The following MALRD1 variants were observed in gnomAD, a reference collection of about 807,000 sequenced individuals.
MALRD1 encodes MAM and LDL receptor class A domain containing 1.
Under a neutral mutation model 242.1 loss-of-function variants are expected in MALRD1, and 247 were observed. That is an observed-to-expected ratio of 1.02 (90% CI 0.92 to 1.13). MALRD1 has a LOEUF of 1.13. MALRD1 is among the 50% of genes most tolerant of loss of function. MALRD1 has a pLI of 0.00. For synonymous variants in MALRD1, 995 were observed against 866.6 expected (o/e 1.15, Z -2.60); for missense variants, 2,989 against 2,533.1 (o/e 1.18, Z -3.86).
At chr10:19,396,671 T>C (rs1846594976) in intron 28 of MALRD1, among the ~76,000 whole-genome samples, 1 of 152,216 alleles carries the variant, frequency 6.6e-6, no homozygotes, top group African/African-American at 2.4e-5. Context: ...ATTCTAATAC[T>C]CAGGAGTCAG....
intron 2 of MALRD1, among the ~76,000 whole-genome samples, chr10:19,070,157 A>G (rs1051792677): frequency 2.6e-5 from 4 of 152,174 alleles, no homozygotes; most frequent in African/African-American, 9.6e-5. Flanking sequence ...TGATTTAAAA[A>G]GAAATCAAGT....
chr10:19,212,196 T>A (rs2782326), intron 18 of MALRD1, among the ~76,000 whole-genome samples: 111,852 of 152,094 alleles, frequency 0.74, 41,385 homozygotes, highest in South Asian at 0.83. Context: ...GGAAATATAC[T>A]TCACCTCCAG....
chr10:19,561,694 C>G (rs111267252), intron 32 of MALRD1, among the ~76,000 whole-genome samples: 8 of 145,786 alleles, frequency 5.5e-5, no homozygotes, highest in African/African-American at 1.8e-4. Flanking sequence ...GAGTTGTGTC[C>G]TTTACAATTG....
At chr10:19,228,047 G>A (rs1837876058) in intron 18 of MALRD1, among the ~76,000 whole-genome samples, 1 of 152,110 alleles carries the variant, frequency 6.6e-6, no homozygotes, top group Non-Finnish European at 1.5e-5. Flanking sequence ...CAGTTTGGAA[G>A]TTTCTTTTAA....
intron 29 of MALRD1, among the ~76,000 whole-genome samples, chr10:19,481,549 G>C (rs1397223187): frequency 6.6e-6 from 1 of 152,152 alleles, no homozygotes; most frequent in Non-Finnish European, 1.5e-5. Flanking sequence ...TCTGTGAAGA[G>C]ACATTTGGGT....
intron 34 of MALRD1, among the ~76,000 whole-genome samples, chr10:19,599,905 G>A (rs555681106): frequency 5.9e-5 from 9 of 152,106 alleles, no homozygotes; most frequent in East Asian, 1.9e-4. Flanking sequence ...AAATCCAATC[G>A]TACACCAGAA....
intron 5 of MALRD1, 29 bp from the exon 6 acceptor site, chr10:19,123,463 C>T (rs1564406260): frequency 8.4e-7 from 1 of 1,195,646 alleles, no homozygotes; most frequent in Non-Finnish European, 1.0e-6. Flanking sequence ...ACCTGCATTT[C>T]ACTTCTTGCC....
At chr10:19,573,228 G>C (rs1836648949) in intron 33 of MALRD1, among the ~76,000 whole-genome samples, 5 of 152,118 alleles carry the variant, frequency 3.3e-5, no homozygotes, top group Admixed American at 3.3e-4. Flanking sequence ...AAGGTGGTTG[G>C]AAACTCTCCC....
intron 26 of MALRD1, among the ~76,000 whole-genome samples, chr10:19,365,532 G>A (rs1588970440): frequency 6.7e-6 from 1 of 149,336 alleles, no homozygotes; most frequent in South Asian, 2.1e-4. Context: ...TTAAGCTTTT[G>A]TGATTTTCTC....
chr10:19,496,493 CA>C lies in MALRD1; in HGVS notation c.5159-1991del, dbSNP rs1241564319. Among the ~76,000 whole-genome samples, 5 of 152,194 alleles carry C rather than the reference CA, an allele frequency of 3.3e-5. No individual in the cohort carries two copies. In the East Asian group the frequency reaches 5.8e-4, roughly 18 times the overall value. On this transcript the variant is annotated intron_variant, in intron 30 of 39. Coordinates refer to ENST00000454679, the MANE Select transcript of MALRD1 (RefSeq NM_001142308.3). ...AATGACACTAAAGTAGAAATCAAGA[CA>C]TTTTTTGAAACTAATGAGAACAGGC...
rs149172593 is a variant in MALRD1, at chr10:19,122,849, C to T, written c.695-643C>T. ...CAAGCAATTCTCCTGCCTCAGCCTCCCTAGTAGCTGGGATTATGGATGCCT... is the reference window on the plus strand; with the variant it reads ...CAAGCAATTCTCCTGCCTCAGCCTCTCTAGTAGCTGGGATTATGGATGCCT... On this transcript the variant is annotated intron_variant, in intron 5 of 39. Coordinates refer to ENST00000454679, the MANE Select transcript of MALRD1 (RefSeq NM_001142308.3). Among the ~76,000 whole-genome samples, 1,334 of 152,176 alleles carry T rather than the reference C, an allele frequency of 8.8e-3. 22 individuals carry two copies. Among genetic ancestry groups the T allele is most frequent in the African/African-American group, 0.031 (1,275 of 41,504 alleles).
chr10:19,441,171 G>A (rs1432205415), intron 28 of MALRD1, among the ~76,000 whole-genome samples: 4 of 152,104 alleles, frequency 2.6e-5, no homozygotes, highest in Admixed American at 1.3e-4. Context: ...CATATCCTTT[G>A]CCCACTTTTT....
chr10:19,085,096 G>T (rs1047055463), intron 2 of MALRD1, among the ~76,000 whole-genome samples: 3 of 151,926 alleles, frequency 2.0e-5, no homozygotes, highest in Non-Finnish European at 4.4e-5. Flanking sequence ...AGTACAAGAG[G>T]TTTATAGAGA....
Position 19,238,535 on chromosome 10 carries a change from T to TAA in MALRD1, c.2992-19148_2992-19147insAA, listed in dbSNP as rs1838578835. On this transcript the variant is annotated intron_variant, in intron 18 of 39. Coordinates refer to ENST00000454679, the MANE Select transcript of MALRD1 (RefSeq NM_001142308.3). Reference sequence around the variant, plus strand: ...AATGTATATTATATATAATATACATTATATATAATATATAATGTATATTAT... The same window carrying TAA: ...AATGTATATTATATATAATATACATTAAATATATAATATATAATGTATATTAT... 1.1e-4 allele frequency among the ~76,000 whole-genome samples: 8 copies of TAA among 69,884 alleles called. 2 individuals are homozygous for TAA. Among genetic ancestry groups the TAA allele is most frequent in the South Asian group, 6.6e-4 (2 of 3,044 alleles). 45.8% of individuals were successfully genotyped at this position (69,884 alleles called of 152,430 possible).
rs367739227 is a variant in MALRD1, at chr10:19,543,700, A to G, written c.5478+12349A>G. ...CAAACTCTGTAGCTTAACAATGCATAGCCAATCACTAATCCACGTTATTTC... is the reference window on the plus strand; with the variant it reads ...CAAACTCTGTAGCTTAACAATGCATGGCCAATCACTAATCCACGTTATTTC... On this transcript the variant is annotated intron_variant, in intron 32 of 39. Coordinates refer to ENST00000454679, the MANE Select transcript of MALRD1 (RefSeq NM_001142308.3). Among the ~76,000 whole-genome samples, 216 of 152,292 alleles carry G rather than the reference A, an allele frequency of 1.4e-3. 1 individual carries two copies. The highest frequency in any genetic ancestry group is 2.5e-3 in the Non-Finnish European group (171 of 68,028).
chr10:19,243,211 G>T (rs10827135), intron 18 of MALRD1, among the ~76,000 whole-genome samples: 4 of 148,806 alleles, frequency 2.7e-5, no homozygotes, highest in African/African-American at 7.7e-5. Flanking sequence ...CTTCTCCCCC[G>T]CCACACACAC....
chr10:19,590,610 C>T (rs74844152), intron 33 of MALRD1, among the ~76,000 whole-genome samples: 1,989 of 152,092 alleles, frequency 0.013, 19 homozygotes, highest in East Asian at 0.036. Context: ...AACTGCTCCT[C>T]AGATTTTCAT....
rs140641345 is a variant in MALRD1, at chr10:19,705,994, G to C, written c.6314+13440G>C. Among the ~76,000 whole-genome samples, 223 of 151,982 alleles carry C rather than the reference G, an allele frequency of 1.5e-3. 5 individuals carry two copies. The East Asian group carries it at 0.016, about 11-fold the overall frequency. ...TGATATATGACTTGAAGGTCATACTGGATACTGAAGAGCCAGCAGTATTGA... is the reference window on the plus strand; with the variant it reads ...TGATATATGACTTGAAGGTCATACTCGATACTGAAGAGCCAGCAGTATTGA... On this transcript the variant is annotated intron_variant, in intron 38 of 39. Coordinates refer to ENST00000454679, the MANE Select transcript of MALRD1 (RefSeq NM_001142308.3).
intron 18 of MALRD1, among the ~76,000 whole-genome samples, chr10:19,248,829 T>A (rs980461906): frequency 2.7e-5 from 4 of 150,732 alleles, no homozygotes; most frequent in Admixed American, 1.3e-4. Context: ...TGATAGATTT[T>A]AAAAAATATG....
Sources: gnomAD v4.1 joint callset for allele counts (sites outside exome capture counted in the v4.1 genomes callset) on GRCh38, gnomAD v4.1.1 for gene constraint, MANE v1.5 for transcripts, NCBI Gene and HGNC (gene_info 2026-07-23, HGNC 2026-07-21) for gene names.